Variants in LRIG3 observed in about 807,000 individuals in gnomAD.
LRIG3 encodes the protein leucine rich repeats and immunoglobulin like domains 3.
LRIG3 carries 76 observed loss-of-function variants against 114.5 expected under a neutral mutation model. That is an observed-to-expected ratio of 0.66 (90% CI 0.55 to 0.80). The LOEUF (loss-of-function observed/expected upper bound fraction) is 0.80. Ranked by LOEUF, LRIG3 falls within the 30% of genes least tolerant of loss-of-function variation. LRIG3 has a pLI of 0.00. For synonymous variants in LRIG3, 512 were observed against 519.8 expected (o/e 0.98, Z 0.20); for missense variants, 1,239 against 1,382.8 (o/e 0.90, Z 1.65).
At chr12:58,912,579 T>C (rs888113368) in intron 3 of LRIG3, among the ~76,000 whole-genome samples, 1 of 152,198 alleles carries the variant, frequency 6.6e-6, no homozygotes, top group Non-Finnish European at 1.5e-5. Flanking sequence ...CGCTATACCA[T>C]GCCAAAGAGT....
At chr12:58,883,494 C>T (rs750552644) in intron 11 of LRIG3, 26 bp downstream of exon 11, 1 of 1,504,694 alleles carries the variant, frequency 6.6e-7, no homozygotes, top group South Asian at 1.3e-5. Context: ...TACTTTCAGA[C>T]TCCTAGAAGG....
chr12:58,880,879 G>A lies in LRIG3; in HGVS notation c.1503C>T (p.Ile501=). The change falls in exon 13 of 19, where the codon ATC becomes ATT. Residue 501 remains isoleucine, a synonymous_variant. Coordinates refer to ENST00000320743, the MANE Select transcript of LRIG3 (RefSeq NM_153377.5). ...FVCDDFPKPQ[I]TVQPETQSAI... ...CCGACTGTGTTTCTGGCTGAACCGT[G>A]ATCTGGGGTTTGGGAAAATCATCTG... 1 of 1,611,922 alleles carries A rather than the reference G, an allele frequency of 6.2e-7. No homozygotes were observed. Among genetic ancestry groups the A allele is most frequent in the Non-Finnish European group, 8.5e-7 (1 of 1,178,138 alleles).
At chr12:58,892,001 A>G (rs1394905309) in intron 3 of LRIG3, among the ~76,000 whole-genome samples, 2 of 152,110 alleles carry the variant, frequency 1.3e-5, no homozygotes, top group Non-Finnish European at 2.9e-5. Flanking sequence ...GTAAAGTTCT[A>G]CTGGTGACTG....
intron 1 of LRIG3, chr12:58,919,658 C>T (rs1592315496): frequency 7.6e-7 from 1 of 1,318,330 alleles, no homozygotes; most frequent in African/African-American, 1.5e-5. Flanking sequence ...CGCTTATCTC[C>T]CCTGGGCCTG....
rs537694757 is a variant in LRIG3, at chr12:58,904,712, A to G, written c.383+9270T>C. Among the ~76,000 whole-genome samples, 3 of 152,302 alleles carry G rather than the reference A, an allele frequency of 2.0e-5. No individual in the cohort carries two copies. In the East Asian group the frequency reaches 5.8e-4, roughly 29 times the overall value. On this transcript the variant is annotated intron_variant, in intron 3 of 18. Coordinates refer to ENST00000320743, the MANE Select transcript of LRIG3 (RefSeq NM_153377.5). ...AGACACAGGAACAGAAAAGTTACCCATATATATTAATCTGGACTAAGCCAT... is the reference window on the plus strand; with the variant it reads ...AGACACAGGAACAGAAAAGTTACCCGTATATATTAATCTGGACTAAGCCAT...
At chr12:58,908,985 G>A (rs910307410) in intron 3 of LRIG3, among the ~76,000 whole-genome samples, 24 of 152,168 alleles carry the variant, frequency 1.6e-4, no homozygotes, top group Admixed American at 3.9e-4. Context: ...GGGCCTGAAT[G>A]TGGCAGGGCA....
At chr12:58,879,918 A>T (rs1226389356) in intron 13 of LRIG3, among the ~76,000 whole-genome samples, 2 of 152,184 alleles carry the variant, frequency 1.3e-5, no homozygotes, top group Admixed American at 6.5e-5. Context: ...TCACACACAG[A>T]TCTCTGAATT....
At chr12:58,882,165 A>C (rs750054375) in intron 12 of LRIG3, among the ~76,000 whole-genome samples, 7 of 152,260 alleles carry the variant, frequency 4.6e-5, no homozygotes, top group Non-Finnish European at 1.0e-4. Flanking sequence ...ATGCTTAAAT[A>C]AAAGCAAATT....
In LRIG3 at chr12:58,882,932, C is replaced by T. The variant is rs765853754; in HGVS notation, c.1417G>A (p.Ala473Thr). 1.9e-6 allele frequency: 3 copies of T among 1,614,096 alleles called. No homozygotes were observed. The South Asian group carries it at 3.3e-5, about 18-fold the overall frequency. The stretch of plus-strand genomic sequence containing the variant: ...CTTCCTTTTAGCAGCTGAGGATGGG[C>T]ACAACTGGCATTTACAAAGCTCTGA... ...NFQSFVNASC[A>T]HPQLLKGRSI... The change falls in exon 12 of 19, where the codon GCC (alanine) becomes ACC (threonine). Residue 473 changes from alanine to threonine, a missense_variant. Transcript: ENST00000320743.
chr12:58,919,579 C>T (rs1253250940), intron 1 of LRIG3: 4 of 1,539,456 alleles, frequency 2.6e-6, no homozygotes, highest in Non-Finnish European at 3.5e-6. Context: ...TCTGACGCAG[C>T]TAGAAACTAA....
At chr12:58,914,575 TG>T (rs1243914131) in intron 1 of LRIG3, 3 of 465,914 alleles carry the variant, frequency 6.4e-6, no homozygotes, top group African/African-American at 2.2e-5. Flanking sequence ...TTTTAAGAGA[TG>T]TTTTTTTGGC....
At chr12:58,883,738 A>T (rs1311539601) in intron 10 of LRIG3, 147 bp from the exon 11 acceptor site, 4 of 459,580 alleles carry the variant, frequency 8.7e-6, no homozygotes, top group Non-Finnish European at 1.2e-5. Flanking sequence ...GCCCCAGAAG[A>T]ATCCACTGCA....
chr12:58,894,746 T>C (rs569336913), intron 3 of LRIG3, among the ~76,000 whole-genome samples: 1 of 152,360 alleles, frequency 6.6e-6, no homozygotes, highest in South Asian at 2.1e-4. Context: ...TTTCCATTAC[T>C]TAATGTGGAA....
chr12:58,889,032 T>C (rs924622646), intron 5 of LRIG3, 70 bp from the exon 6 acceptor site: 4 of 1,456,792 alleles, frequency 2.7e-6, no homozygotes, highest in Non-Finnish European at 3.8e-6. Context: ...AAATGTGTCA[T>C]TACTACAATA....
At chr12:58,896,064 G>A (rs774047109) in intron 3 of LRIG3, among the ~76,000 whole-genome samples, 45 of 152,168 alleles carry the variant, frequency 3.0e-4, no homozygotes, top group Non-Finnish European at 3.5e-4. Flanking sequence ...CTGTGCTCAG[G>A]TGTGAGATGC....
chr12:58,888,993 A>G (rs371442815), intron 5 of LRIG3, 31 bp from the exon 6 acceptor site: 2 of 1,595,786 alleles, frequency 1.3e-6, no homozygotes, highest in East Asian at 2.2e-5. Context: ...GTTAGCTTAT[A>G]TGACAATTAA....
Position 58,874,273 on chromosome 12 carries a change from T to C in LRIG3, c.2897A>G (p.Lys966Arg), listed in dbSNP as rs1229783427. The change falls in exon 18 of 19, where the codon AAG (lysine) becomes AGG (arginine). Residue 966 changes from lysine (K) to arginine (R), a missense_variant. By Grantham distance (26) the Lys-to-Arg change is conservative. Transcript: ENST00000320743. ...AGAACATGGGTAGCACTCCTTTTTCTTTATGTAACTGGGCTCATAGTGGTC... is the reference window on the plus strand; with the variant it reads ...AGAACATGGGTAGCACTCCTTTTTCCTTATGTAACTGGGCTCATAGTGGTC... ...LMDHYEPSYI[K>R]KKECYPCSHP... 3 of 1,613,988 alleles carry C rather than the reference T, an allele frequency of 1.9e-6. No individual in the cohort carries two copies. The highest frequency in any genetic ancestry group is 1.7e-5 in the Admixed American group (1 of 59,996).
rs1872629548 is a variant in LRIG3, at chr12:58,920,330, T to TCGCGGTCGCGTGCGCGCTC, written c.-114_-96dup. Reference sequence around the variant, plus strand: ...TCCAGCCGAGGGTGCACGCCCGCCCTCGCGGTCGCGTGCGCGCTCCTCCCT... The same window carrying TCGCGGTCGCGTGCGCGCTC: ...TCCAGCCGAGGGTGCACGCCCGCCCTCGCGGTCGCGTGCGCGCTCCGCGGTCGCGTGCGCGCTCCTCCCT... On this transcript the variant is annotated 5_prime_UTR_variant, in exon 1 of 19. Transcript: ENST00000320743. 3.3e-6 allele frequency: 3 copies of TCGCGGTCGCGTGCGCGCTC among 911,454 alleles called. No individual in the cohort carries two copies. Among genetic ancestry groups the TCGCGGTCGCGTGCGCGCTC allele is most frequent in the East Asian group, 3.4e-5 (1 of 29,310 alleles). The allele number at this position is 911,454 out of a possible 1,614,324, so 56.5% of individuals were successfully genotyped here.
At chr12:58,901,681 T>G (rs1018686733) in intron 3 of LRIG3, among the ~76,000 whole-genome samples, 4 of 152,226 alleles carry the variant, frequency 2.6e-5, no homozygotes, top group African/African-American at 9.6e-5. Flanking sequence ...AAGGGAATGC[T>G]TTAAGAAAAT....
Sources: gnomAD v4.1 joint callset for allele counts (sites outside exome capture counted in the v4.1 genomes callset) on GRCh38, gnomAD v4.1.1 for gene constraint, MANE v1.5 for transcripts, NCBI Gene and HGNC (gene_info 2026-07-23, HGNC 2026-07-21) for gene names.